The following NEO1 variants were observed in gnomAD, a reference collection of about 807,000 sequenced individuals.
NEO1 encodes the protein neogenin.
In NEO1, 63 loss-of-function variants were observed where a neutral mutation model predicts 159.7. The ratio of observed to expected loss-of-function variants is 0.39; its 90% confidence interval spans 0.32 to 0.49. NEO1 has a LOEUF of 0.49. NEO1 is among the 20% of genes least tolerant of loss of function. The pLI is 0.85. For synonymous variants in NEO1, 633 were observed against 662.0 expected, an observed-to-expected ratio of 0.96 and a Z score of 0.67; for missense variants, 1,615 against 1,831.0, an observed-to-expected ratio of 0.88 and a Z score of 2.15.
In NEO1 at chr15:73,103,002, C is replaced by G. The variant is rs114949264; in HGVS notation, c.131-13538C>G. Reference sequence around the variant, plus strand: ...AACTACTCCATCACCCTTTCCCCTCCTTTACTCACCTTACTTTCGCATTTA... The same window carrying G: ...AACTACTCCATCACCCTTTCCCCTCGTTTACTCACCTTACTTTCGCATTTA... On this transcript the variant is annotated intron_variant, in intron 1 of 28. Coordinates refer to ENST00000261908, the MANE Select transcript of NEO1 (RefSeq NM_002499.4). Among the ~76,000 whole-genome samples the G allele has an allele frequency of 6.1e-3, 924 of 152,306 alleles. 8 individuals are homozygous for G. Among genetic ancestry groups the G allele is most frequent in the African/African-American group, 0.021 (883 of 41,574 alleles).
chr15:73,178,837 GT>G (rs2035435396), intron 7 of NEO1, among the ~76,000 whole-genome samples: 2 of 152,134 alleles, frequency 1.3e-5, no homozygotes, highest in East Asian at 3.9e-4. Context: ...AGAGCTCATT[GT>G]TTTCTGCTTA....
At chr15:73,140,586 G>A (rs1307189321) in intron 5 of NEO1, among the ~76,000 whole-genome samples, 1 of 152,026 alleles carries the variant, frequency 6.6e-6, no homozygotes, top group Non-Finnish European at 1.5e-5. Context: ...ACTGTACACA[G>A]AAATACCCTA....
At chr15:73,214,048 G>A (rs2037739347) in intron 7 of NEO1, among the ~76,000 whole-genome samples, 1 of 152,040 alleles carries the variant, frequency 6.6e-6, no homozygotes, top group African/African-American at 2.4e-5. Context: ...TCGTATGTTG[G>A]CCATTTGTGT....
intron 23 of NEO1, among the ~76,000 whole-genome samples, chr15:73,283,842 A>G (rs1410495923): frequency 6.6e-6 from 1 of 152,232 alleles, no homozygotes; most frequent in African/African-American, 2.4e-5. Context: ...GAAGAAGACC[A>G]TAGGCCTGTC....
chr15:73,260,802 T>A (rs1298701828), intron 15 of NEO1, among the ~76,000 whole-genome samples: 1 of 152,192 alleles, frequency 6.6e-6, no homozygotes, highest in African/African-American at 2.4e-5. Context: ...TTTAATCAGT[T>A]GGCTAAAACG....
At chr15:73,073,900 T>C (rs566315861) in intron 1 of NEO1, among the ~76,000 whole-genome samples, 2 of 152,250 alleles carry the variant, frequency 1.3e-5, no homozygotes, top group East Asian at 1.9e-4. Context: ...AGTGAGCCCA[T>C]TGGAGATTGT....
chr15:73,056,275 T>G (rs1360793103), intron 1 of NEO1, among the ~76,000 whole-genome samples: 1 of 152,250 alleles, frequency 6.6e-6, no homozygotes, highest in Non-Finnish European at 1.5e-5. Flanking sequence ...TTCTTTCTGT[T>G]AAGTCACTTC....
chr15:73,100,000 A>G (rs943890034), intron 1 of NEO1, among the ~76,000 whole-genome samples: 3 of 152,152 alleles, frequency 2.0e-5, no homozygotes, highest in African/African-American at 7.2e-5. Context: ...AAAACTTCAG[A>G]TGTTATTTTA....
intron 26 of NEO1, among the ~76,000 whole-genome samples, chr15:73,297,668 A>AT (rs34858546): frequency 0.08 from 12,142 of 152,082 alleles, 576 homozygotes; most frequent in Non-Finnish European, 0.099. Context: ...ATATTTTGAG[A>AT]TTGTTATCAT....
chr15:73,111,431 T>A (rs1004451337), intron 1 of NEO1, among the ~76,000 whole-genome samples: 2 of 152,214 alleles, frequency 1.3e-5, no homozygotes, highest in African/African-American at 4.8e-5. Context: ...ATACTATTTT[T>A]ATGTAAAATA....
chr15:73,100,580 C>T (rs2151504428), intron 1 of NEO1, among the ~76,000 whole-genome samples: 1 of 152,236 alleles, frequency 6.6e-6, no homozygotes. Flanking sequence ...GATGATCCAC[C>T]CACCTCAGCC....
At chr15:73,129,943 CTG>C (rs1366594308) in intron 4 of NEO1, among the ~76,000 whole-genome samples, 6 of 152,144 alleles carry the variant, frequency 3.9e-5, no homozygotes, top group Non-Finnish European at 8.8e-5. Flanking sequence ...GAGAGAAAGA[CTG>C]AGATTGAGTA....
At chr15:73,149,966 A>G (rs1358430133) in intron 5 of NEO1, among the ~76,000 whole-genome samples, 3 of 152,124 alleles carry the variant, frequency 2.0e-5, no homozygotes, top group African/African-American at 7.2e-5. Context: ...TCTTCTATCA[A>G]CTGTAGGTTT....
At chr15:73,066,889 CTTTGGCTTT>C (rs1199920123) in intron 1 of NEO1, among the ~76,000 whole-genome samples, 1 of 152,204 alleles carries the variant, frequency 6.6e-6, no homozygotes, top group Admixed American at 6.5e-5. Context: ...AGATTTGTCC[CTTTGGCTTT>C]TCTTTCTTTT....
chr15:73,275,549 G>A (rs377210824), intron 21 of NEO1, among the ~76,000 whole-genome samples: 9 of 152,060 alleles, frequency 5.9e-5, no homozygotes, highest in East Asian at 1.9e-4. Flanking sequence ...CAGCTACTCC[G>A]GAGGCTGAGG....
chr15:73,281,733 G>C (rs2041726711), intron 22 of NEO1, among the ~76,000 whole-genome samples: 1 of 152,204 alleles, frequency 6.6e-6, no homozygotes, highest in African/African-American at 2.4e-5. Context: ...AATTAAGAGA[G>C]AGAGTAGCTA....
At chr15:73,052,205 C>T (rs1017922979), upstream of NEO1, among the ~76,000 whole-genome samples, 8 of 148,506 alleles carry the variant, frequency 5.4e-5, no homozygotes, top group Non-Finnish European at 1.2e-4. Flanking sequence ...CGAGAGGCGG[C>T]AGCCGGGATT....
intron 15 of NEO1, among the ~76,000 whole-genome samples, chr15:73,265,058 C>T (rs1452399098): frequency 6.6e-6 from 1 of 151,990 alleles, no homozygotes; most frequent in Admixed American, 6.6e-5. Context: ...GGATGTGACC[C>T]CAGCATAGGG....
At chr15:73,261,807 A>C (rs1014348719) in intron 15 of NEO1, among the ~76,000 whole-genome samples, 3 of 152,202 alleles carry the variant, frequency 2.0e-5, no homozygotes, top group Non-Finnish European at 4.4e-5. Flanking sequence ...AATTTTTATG[A>C]AAAATCAAAG....
Sources: gnomAD v4.1 joint callset for allele counts (sites outside exome capture counted in the v4.1 genomes callset) on GRCh38, gnomAD v4.1.1 for gene constraint, MANE v1.5 for transcripts, NCBI Gene and HGNC (gene_info 2026-07-23, HGNC 2026-07-21) for gene names.